Variants in ERMARD observed in about 807,000 individuals in gnomAD.
The protein encoded by ERMARD is endoplasmic reticulum membrane-associated RNA degradation protein.
ERMARD carries 71 observed loss-of-function variants against 83.9 expected under a neutral mutation model. The ratio of observed to expected loss-of-function variants is 0.85; its 90% CI spans 0.70 to 1.03. The LOEUF is 1.03. ERMARD is among the 50% of genes least tolerant of loss of function. The pLI is 0.00. For missense variants in ERMARD, 838 were observed against 810.9 expected, an observed-to-expected ratio of 1.03 and a Z score of -0.41; for synonymous variants, 284 against 298.6, an observed-to-expected ratio of 0.95 and a Z score of 0.50.
At chr6:169,765,631 T>G (rs1792100955) in intron 9 of ERMARD, among the ~76,000 whole-genome samples, 1 of 152,222 alleles carries the variant, frequency 6.6e-6, no homozygotes. Context: ...GGGCTAGCAA[T>G]ACAGATTTCA....
chr6:169,751,624 C>G lies in ERMARD; in HGVS notation c.-34C>G. The G allele has an allele frequency of 1.3e-6, 2 of 1,576,554 alleles. No individual in the cohort carries two copies. Among genetic ancestry groups the G allele is most frequent in the Non-Finnish European group, 1.7e-6 (2 of 1,160,816 alleles). On this transcript the variant is annotated 5_prime_UTR_variant, in exon 1 of 18. Coordinates refer to ENST00000366773, the MANE Select transcript of ERMARD (RefSeq NM_018341.3). ...AGGAGGGGCGCGCAGGCGCCTGCGTCATTCACGCGCGCCGCAGCGGGGCAC... is the reference window on the plus strand; with the variant it reads ...AGGAGGGGCGCGCAGGCGCCTGCGTGATTCACGCGCGCCGCAGCGGGGCAC...
chr6:169,758,877 G>T, intron 5 of ERMARD, 91 bp from the exon 6 acceptor site: 10 of 1,219,894 alleles, frequency 8.2e-6, no homozygotes, highest in Non-Finnish European at 1.2e-5. Flanking sequence ...TTGACTCTCA[G>T]TTAAAAAGAG....
At chr6:169,779,483 T>G (rs1562355585) in intron 17 of ERMARD, among the ~76,000 whole-genome samples, 188 bp downstream of exon 17, 1 of 149,784 alleles carries the variant, frequency 6.7e-6, no homozygotes, top group African/African-American at 2.5e-5. Context: ...AACCATGTTT[T>G]TTTTGTTTTG....
rs761378032 is a variant in ERMARD, at chr6:169,759,014, T to C, written c.554T>C (p.Leu185Pro). 6.8e-6 allele frequency: 11 copies of C among 1,614,182 alleles called. No homozygotes were observed. In the South Asian group the frequency reaches 8.8e-5, roughly 13 times the overall value. The change falls in exon 6 of 18, where the codon CTG (leucine) becomes CCG (proline). Residue 185 changes from leucine to proline, a missense_variant. Coordinates refer to ENST00000366773, the MANE Select transcript of ERMARD (RefSeq NM_018341.3). ...VFVGSPCGLN[L>P]RNVLWHGFAS... The stretch of plus-strand genomic sequence containing the variant: ...GTTGGCTCTCCGTGTGGTCTCAACC[T>C]GCGTAACGTCTTATGGCATGGGTTT...
In ERMARD at chr6:169,751,984, T is replaced by C. The variant is rs376917751; in HGVS notation, c.6+321T>C. On this transcript the variant is annotated intron_variant, in intron 1 of 17. Transcript: ENST00000366773. Reference sequence around the variant, plus strand: ...TGGCGCGGGGGCGGAAAGCCGCAGGTCGGGCTCTCACCTGACCGTGGCTCG... The same window carrying C: ...TGGCGCGGGGGCGGAAAGCCGCAGGCCGGGCTCTCACCTGACCGTGGCTCG... The C allele has an allele frequency of 6.3e-5, 26 of 415,452 alleles. No individual in the cohort carries two copies. In the East Asian group the frequency reaches 6.7e-4, roughly 11 times the overall value. 25.7% of individuals were successfully genotyped at this position (415,452 alleles called of 1,614,324 possible).
intron 17 of ERMARD, 52 bp downstream of exon 17, chr6:169,779,347 C>T (rs932339859): frequency 1.5e-5 from 23 of 1,508,190 alleles, no homozygotes; most frequent in Non-Finnish European, 2.0e-5. Flanking sequence ...GGGCAGATTG[C>T]GGGTGAGCCT....
intron 13 of ERMARD, 136 bp downstream of exon 13, chr6:169,773,538 C>G (rs1279468931): frequency 1.3e-6 from 1 of 767,860 alleles, no homozygotes; most frequent in African/African-American, 1.8e-5. Context: ...TTAACCAGTG[C>G]GGGGCCTGCT....
chr6:169,756,654 GATA>G, intron 4 of ERMARD, 62 bp from the exon 5 acceptor site: 1 of 1,392,878 alleles, frequency 7.2e-7, no homozygotes, highest in East Asian at 2.3e-5. Context: ...TTGCTTCATG[GATA>G]ATGTTTTTAA....
Position 169,768,129 on chromosome 6 carries a change from TA to T in ERMARD, c.1021del (p.Ile341SerfsTer20). ...QILAKHLNDG[K>X]INQLPLFLGE... ...TATTGGCAAAACACTTGAATGATGGTAAAATCAATCAGCTTCCTCTTTTCCT... is the reference window on the plus strand; with the variant it reads ...TATTGGCAAAACACTTGAATGATGGTAAATCAATCAGCTTCCTCTTTTCCT... On this transcript the variant is annotated frameshift_variant, in exon 11 of 18. Transcript: ENST00000366773. LOFTEE classifies it high-confidence loss of function. 1 of 1,614,136 alleles carries T rather than the reference TA, an allele frequency of 6.2e-7. No homozygotes were observed. The highest frequency in any genetic ancestry group is 8.5e-7 in the Non-Finnish European group (1 of 1,179,978).
At chr6:169,769,090 A>G (rs1279749014) in intron 11 of ERMARD, among the ~76,000 whole-genome samples, 1 of 152,234 alleles carries the variant, frequency 6.6e-6, no homozygotes, top group Non-Finnish European at 1.5e-5. Context: ...TGCCAAGGGC[A>G]GCAGTTTTCT....
At chr6:169,758,860 A>C (rs1021207868) in intron 5 of ERMARD, 108 bp from the exon 6 acceptor site, 13 of 1,004,724 alleles carry the variant, frequency 1.3e-5, no homozygotes, top group Non-Finnish European at 1.8e-5. Flanking sequence ...TATACTAGCC[A>C]AAACTGTTGA....
At position 169,776,407 on chromosome 6, in the gene ERMARD, C is replaced by T. The variant is rs1389525144; in HGVS notation, c.1521-48C>T. On this transcript the variant is annotated intron_variant, in intron 15 of 17. Transcript: ENST00000366773. ...TTGCAGGTGCAGAAGGAGAGTGAGG[C>T]CCAGGTGAGGATCATGATGCCTGCT... 2.5e-6 allele frequency: 4 copies of T among 1,587,458 alleles called. No individual in the cohort carries two copies. In the South Asian group the frequency reaches 4.6e-5, roughly 18 times the overall value.
Position 169,767,650 on chromosome 6 carries a change from C to T in ERMARD, c.991-453C>T, listed in dbSNP as rs190119656. The T allele has an allele frequency of 5.0e-5, 9 of 178,636 alleles. No homozygotes were observed. In the East Asian group the frequency reaches 1.1e-3, roughly 23 times the overall value. 11.1% of individuals were successfully genotyped at this position (178,636 alleles called of 1,614,324 possible). On this transcript the variant is annotated intron_variant, in intron 10 of 17. Coordinates refer to ENST00000366773, the MANE Select transcript of ERMARD (RefSeq NM_018341.3). ...TGCCACACAGACACACACAGGCATA[C>T]ACATACTCTAATGTGTACACAACAC...
In ERMARD at chr6:169,762,596, T is replaced by G. The variant is rs191636592; in HGVS notation, c.960+65T>G. 3.2e-4 allele frequency: 429 copies of G among 1,344,008 alleles called. 2 individuals are homozygous for G. The Middle Eastern group carries it at 4.1e-3, about 13-fold the overall frequency. 83.3% of individuals were successfully genotyped at this position (1,344,008 alleles called of 1,614,324 possible). A position where few individuals can be genotyped will look rare whatever the true frequency, so the allele number is the denominator to read the frequency against. ...GTATTAACAGTTTTCTGTTACCAAT[T>G]AAAAGTTTTTAAAAATGTTATTCTG... On this transcript the variant is annotated intron_variant, in intron 9 of 17. Coordinates refer to ENST00000366773, the MANE Select transcript of ERMARD (RefSeq NM_018341.3).
intron 16 of ERMARD, among the ~76,000 whole-genome samples, chr6:169,777,934 T>G (rs1793780797): frequency 6.6e-6 from 1 of 152,260 alleles, no homozygotes; most frequent in African/African-American, 2.4e-5. Flanking sequence ...TCCAACCTGC[T>G]TATTCCAGTT....
intron 17 of ERMARD, among the ~76,000 whole-genome samples, chr6:169,780,512 C>G (rs1238396240): frequency 2.0e-5 from 3 of 152,234 alleles, no homozygotes; most frequent in Non-Finnish European, 2.9e-5. Flanking sequence ...AGTGACCCCG[C>G]TGTTAACATT....
rs149466834 is a variant in ERMARD at position 169,764,684 on chromosome 6, G to A, written c.961-1954G>A. Among the ~76,000 whole-genome samples, 96 of 152,134 alleles carry A rather than the reference G, an allele frequency of 6.3e-4. No individual in the cohort carries two copies. In the East Asian group the frequency reaches 7.0e-3, roughly 11 times the overall value. ...GCCAGATGGAGTTCATCCTCTTCAC[G>A]TGGCAGCAAGGCCTCGGGTTCTAAC... On this transcript the variant is annotated intron_variant, in intron 9 of 17. Coordinates refer to ENST00000366773, the MANE Select transcript of ERMARD (RefSeq NM_018341.3).
At chr6:169,765,014 G>A (rs538906581) in intron 9 of ERMARD, among the ~76,000 whole-genome samples, 20 of 152,244 alleles carry the variant, frequency 1.3e-4, no homozygotes, top group South Asian at 2.1e-4. Flanking sequence ...CGTTGCTGTC[G>A]CCTGCTGCCC....
At chr6:169,773,263 A>C (rs1793184788) in intron 12 of ERMARD, 56 bp from the exon 13 acceptor site, 1 of 1,495,332 alleles carries the variant, frequency 6.7e-7, no homozygotes, top group African/African-American at 1.4e-5. Flanking sequence ...AGTTCAATAG[A>C]AGAAAGCTAA....
Sources: allele counts gnomAD v4.1 joint callset (sites outside exome capture counted in the v4.1 genomes callset), GRCh38; gene constraint gnomAD v4.1.1; transcripts MANE v1.5; gene names NCBI Gene and HGNC (gene_info 2026-07-23, HGNC 2026-07-21).